The following IL7 variants were observed in gnomAD, a reference collection of about 807,000 sequenced individuals.
The protein encoded by IL7 is interleukin 7, also known as interleukin-7.
A neutral mutation model predicts 21.6 loss-of-function variants in IL7; 3 were observed. The ratio of observed to expected loss-of-function variants is 0.14; its 90% CI spans 0.06 to 0.36. IL7 has a LOEUF of 0.36. IL7 is among the 10% of genes least tolerant of loss of function. The pLI is 1.00. For synonymous variants in IL7, 62 were observed against 68.1 expected (o/e 0.91, Z 0.44); for missense variants, 175 against 200.2 (o/e 0.87, Z 0.76).
Position 78,737,707 on chromosome 8 carries a change from C to A in IL7, c.360+797G>T, listed in dbSNP as rs113262965. Among the ~76,000 whole-genome samples, 26 of 152,152 alleles carry A rather than the reference C, an allele frequency of 1.7e-4. No individual in the cohort carries two copies. The East Asian group carries it at 3.9e-3, about 23-fold the overall frequency. ...ACTAGTGCTCAAACAAAACAAAATT[C>A]TTTTTTAAGTCATAAAAATGTTATT... On this transcript the variant is annotated intron_variant, in intron 4 of 5. Transcript: ENST00000263851.
intron 3 of IL7, among the ~76,000 whole-genome samples, chr8:78,693,345 C>G (rs1467864328): frequency 3.3e-5 from 5 of 151,890 alleles, no homozygotes; most frequent in South Asian, 2.1e-4. Context: ...TACAGTCCCA[C>G]CAACAGTGTA....
intron 2 of IL7, chr8:78,761,293 A>G: frequency 1.2e-6 from 2 of 1,610,726 alleles, no homozygotes; most frequent in Non-Finnish European, 1.7e-6. Flanking sequence ...CTAATGCAAC[A>G]GATACTCCCA....
At chr8:78,704,082 C>G (rs1810692005) in intron 3 of IL7, among the ~76,000 whole-genome samples, 1 of 152,028 alleles carries the variant, frequency 6.6e-6, no homozygotes, top group South Asian at 2.1e-4. Flanking sequence ...GTTGGAATTT[C>G]TTTTCTTTAA....
intron 2 of IL7, among the ~76,000 whole-genome samples, chr8:78,758,566 A>C (rs1812433604): frequency 6.6e-6 from 1 of 151,872 alleles, no homozygotes; most frequent in African/African-American, 2.4e-5. Context: ...TTCAGTTTTT[A>C]CTTGTCTGAA....
chr8:78,711,595 A>G (rs1190617244), intron 3 of IL7, among the ~76,000 whole-genome samples: 1 of 152,148 alleles, frequency 6.6e-6, no homozygotes, highest in African/African-American at 2.4e-5. Context: ...AATAAATAAT[A>G]TGAAGAGTAG....
chr8:78,675,350 G>A (rs62518975), downstream of IL7, among the ~76,000 whole-genome samples: 7,743 of 151,834 alleles, frequency 0.051, 274 homozygotes, highest in Middle Eastern at 0.083. Context: ...AGTAAGATTC[G>A]TTTTATTCTA....
chr8:78,717,329 C>T (rs1213632198), downstream of IL7: 10 of 1,600,832 alleles, frequency 6.2e-6, no homozygotes, highest in Non-Finnish European at 7.7e-6. Context: ...CTTTTTTAGG[C>T]CAGATGGGGA....
chr8:78,756,336 T>A (rs1812346295), intron 2 of IL7, among the ~76,000 whole-genome samples: 1 of 151,974 alleles, frequency 6.6e-6, no homozygotes, highest in African/African-American at 2.4e-5. Context: ...TAGAATGAAT[T>A]AAGAAGAATT....
chr8:78,701,848 C>T (rs1038865110), intron 3 of IL7, among the ~76,000 whole-genome samples: 1 of 152,144 alleles, frequency 6.6e-6, no homozygotes, highest in African/African-American at 2.4e-5. Flanking sequence ...CCTACTTGAT[C>T]CTGGTGGATA....
intron 3 of IL7, among the ~76,000 whole-genome samples, chr8:78,689,844 T>A (rs903965714): frequency 6.6e-6 from 1 of 152,248 alleles, no homozygotes; most frequent in Non-Finnish European, 1.5e-5. Flanking sequence ...TCTTTATGAT[T>A]TATGCTCCTT....
chr8:78,791,282 T>A (rs1438432624), intron 2 of IL7, among the ~76,000 whole-genome samples: 4 of 152,092 alleles, frequency 2.6e-5, no homozygotes, highest in South Asian at 2.1e-4. Context: ...AAATTATATA[T>A]CAAAAGTAAG....
chr8:78,742,281 G>A lies in IL7; in HGVS notation c.148-2199C>T, dbSNP rs970186074. 6.6e-5 allele frequency among the ~76,000 whole-genome samples: 10 copies of A among 152,074 alleles called. No homozygotes were observed. The South Asian group carries it at 8.3e-4, about 13-fold the overall frequency. The stretch of plus-strand genomic sequence containing the variant: ...GGAGCTTGCAGTGAGCTGAGATCAC[G>A]CCACTGCACTCCAGCCTGGGCAACA... On this transcript the variant is annotated intron_variant, in intron 2 of 5. Coordinates refer to ENST00000263851, the MANE Select transcript of IL7 (RefSeq NM_000880.4).
chr8:78,766,803 A>G (rs540686795), intron 2 of IL7, among the ~76,000 whole-genome samples: 1 of 152,266 alleles, frequency 6.6e-6, no homozygotes, highest in Non-Finnish European at 1.5e-5. Flanking sequence ...CTCATTTTAT[A>G]TTAATGCTTG....
At chr8:78,773,305 CG>C (rs1412486462) in intron 2 of IL7, among the ~76,000 whole-genome samples, 2 of 151,882 alleles carry the variant, frequency 1.3e-5, no homozygotes, top group Non-Finnish European at 1.5e-5. Flanking sequence ...CACACAGACA[CG>C]GGGAGAATGT....
At chr8:78,750,687 G>A (rs929411466) in intron 2 of IL7, among the ~76,000 whole-genome samples, 8 of 152,142 alleles carry the variant, frequency 5.3e-5, no homozygotes, top group African/African-American at 1.9e-4. Flanking sequence ...AGCTGGACAT[G>A]GTGGCGGGCA....
chr8:78,686,443 A>G (rs1288538824), intron 3 of IL7: 1 of 1,310,180 alleles, frequency 7.6e-7, no homozygotes, highest in South Asian at 2.3e-5. Context: ...TTATTTATTT[A>G]TTTATTTATT....
intron 2 of IL7, among the ~76,000 whole-genome samples, chr8:78,775,915 A>G (rs1813123305): frequency 2.0e-5 from 3 of 152,138 alleles, no homozygotes; most frequent in African/African-American, 7.2e-5. Context: ...AGTGGTTATT[A>G]AATAGCCACT....
intron 2 of IL7, among the ~76,000 whole-genome samples, chr8:78,779,704 T>C (rs1283696182): frequency 6.6e-6 from 1 of 152,164 alleles, no homozygotes; most frequent in African/African-American, 2.4e-5. Context: ...TTTTCTTTTT[T>C]TGTAGTATCT....
At chr8:78,738,724 T>A (rs1811679429) in intron 3 of IL7, 89 bp from the exon 4 acceptor site, 1 of 1,249,830 alleles carries the variant, frequency 8.0e-7, no homozygotes, top group Admixed American at 2.3e-5. Flanking sequence ...GCTTGAGCTA[T>A]GTTGCTAGGT....
Sources: gnomAD v4.1 joint callset for allele counts (sites outside exome capture counted in the v4.1 genomes callset) on GRCh38, gnomAD v4.1.1 for gene constraint, MANE v1.5 for transcripts, NCBI Gene and HGNC (gene_info 2026-07-23, HGNC 2026-07-21) for gene names.